PDE1A: variants seen among roughly 807,000 people sequenced by gnomAD.
PDE1A encodes phosphodiesterase 1A.
In PDE1A, 35 loss-of-function variants were observed where a neutral mutation model predicts 61.7. That is an observed-to-expected ratio of 0.57 (90% CI 0.43 to 0.75). PDE1A has a LOEUF of 0.75. PDE1A is among the 30% of genes least tolerant of loss of function. The pLI is 0.00. For synonymous variants in PDE1A, 232 were observed against 213.2 expected (o/e 1.09, Z -0.77); for missense variants, 597 against 630.6 (o/e 0.95, Z 0.57).
chr2:182,663,003 A>C, the PDE1A span, among the ~76,000 whole-genome samples: 1 of 152,198 alleles, frequency 6.6e-6, no homozygotes, highest in Non-Finnish European at 1.5e-5. Flanking sequence ...ACACCACCCC[A>C]TTAAAAAGTG....
intron 13 of PDE1A, among the ~76,000 whole-genome samples, chr2:182,178,472 T>G (rs1364161924): frequency 1.1e-4 from 16 of 152,140 alleles, no homozygotes. Flanking sequence ...TCAAGAGACT[T>G]AGACAGTTAT....
At chr2:182,184,156 G>C (rs1685018555) in intron 13 of PDE1A, among the ~76,000 whole-genome samples, 1 of 151,742 alleles carries the variant, frequency 6.6e-6, no homozygotes, top group South Asian at 2.1e-4. Flanking sequence ...CAGAGAGAAA[G>C]AGGCAGAAGA....
At chr2:182,657,805 C>T in the PDE1A span, among the ~76,000 whole-genome samples, 1 of 152,056 alleles carries the variant, frequency 6.6e-6, no homozygotes, top group Non-Finnish European at 1.5e-5. Context: ...CTAAAAACAT[C>T]TCTAAGTTTA....
chr2:182,644,714 T>C, the PDE1A span, among the ~76,000 whole-genome samples: 2 of 152,080 alleles, frequency 1.3e-5, no homozygotes, highest in Non-Finnish European at 2.9e-5. Context: ...ACTGTGGTGA[T>C]GAAAAACTGT....
intron 2 of PDE1A, among the ~76,000 whole-genome samples, chr2:182,520,266 T>C (rs1169574014): frequency 6.6e-6 from 1 of 151,914 alleles, no homozygotes; most frequent in Non-Finnish European, 1.5e-5. Flanking sequence ...CTTTGACAAT[T>C]CTAAGCCTTG....
At position 182,369,979 on chromosome 2, in the gene PDE1A, A is replaced by G. The variant is rs547313753; in HGVS notation, c.53+56599T>C. Among the ~76,000 whole-genome samples the G allele has an allele frequency of 9.2e-5, 14 of 152,174 alleles. No individual in the cohort carries two copies. The East Asian group carries it at 2.7e-3, about 30-fold the overall frequency. Reference sequence around the variant, plus strand: ...CACCTGAGGTCAGGAGATCAAGACCATCCTGGCCAACATGGTGAAACCCTG... The same window carrying G: ...CACCTGAGGTCAGGAGATCAAGACCGTCCTGGCCAACATGGTGAAACCCTG... On this transcript the variant is annotated intron_variant, in intron 1 of 13. Transcript: ENST00000351439.
chr2:182,571,153 C>T, the PDE1A span, among the ~76,000 whole-genome samples: 10 of 152,134 alleles, frequency 6.6e-5, no homozygotes, highest in African/African-American at 2.2e-4. Flanking sequence ...TCCTTGAATG[C>T]TTCCTGATTA....
chr2:182,527,624 AG>A (rs1690798035), upstream of PDE1A, among the ~76,000 whole-genome samples: 1 of 151,890 alleles, frequency 6.6e-6, no homozygotes, highest in Admixed American at 6.6e-5. Flanking sequence ...CACAGAAGTG[AG>A]ATTATGAAAA....
chr2:182,708,173 A>G, the PDE1A span, among the ~76,000 whole-genome samples: 4 of 152,054 alleles, frequency 2.6e-5, no homozygotes, highest in Non-Finnish European at 4.4e-5. Flanking sequence ...ACAGTTTAGG[A>G]CTAGGCTCCC....
At chr2:182,668,641 T>C in the PDE1A span, among the ~76,000 whole-genome samples, 1 of 152,062 alleles carries the variant, frequency 6.6e-6, no homozygotes, top group Non-Finnish European at 1.5e-5. Context: ...AGGTGAAATA[T>C]GGCTTTATTC....
intron 13 of PDE1A, among the ~76,000 whole-genome samples, chr2:182,179,645 C>G (rs2125365184): frequency 6.6e-6 from 1 of 152,158 alleles, no homozygotes; most frequent in East Asian, 1.9e-4. Flanking sequence ...CTCTCTCCTT[C>G]CTTCTTCCCT....
chr2:182,362,153 A>G (rs1177485202), intron 1 of PDE1A, among the ~76,000 whole-genome samples: 1 of 152,028 alleles, frequency 6.6e-6, no homozygotes, highest in Non-Finnish European at 1.5e-5. Context: ...TCTTCATAAT[A>G]ATATGAAAAG....
chr2:182,253,675 C>T (rs1373788935), intron 2 of PDE1A, among the ~76,000 whole-genome samples: 2 of 152,016 alleles, frequency 1.3e-5, no homozygotes, highest in African/African-American at 2.4e-5. Flanking sequence ...GAGCCTGGGG[C>T]TGATGTTGGT....
At chr2:182,567,421 C>A in the PDE1A span, among the ~76,000 whole-genome samples, 1 of 152,142 alleles carries the variant, frequency 6.6e-6, no homozygotes, top group Non-Finnish European at 1.5e-5. Context: ...GAATGATATA[C>A]CTGGCTTTAA....
chr2:182,260,625 A>G (rs1223323636), intron 2 of PDE1A, among the ~76,000 whole-genome samples: 2 of 152,198 alleles, frequency 1.3e-5, no homozygotes, highest in Non-Finnish European at 2.9e-5. Context: ...CAGACTCTCC[A>G]GAAAAAAATA....
intron 2 of PDE1A, among the ~76,000 whole-genome samples, chr2:182,243,433 A>G (rs535409209): frequency 6.6e-6 from 1 of 152,286 alleles, no homozygotes; most frequent in East Asian, 1.9e-4. Flanking sequence ...AAGAAGGGCA[A>G]GTACAAAGGC....
At chr2:182,522,408 C>A in intron 1 of PDE1A, 1 of 1,612,248 alleles carries the variant, frequency 6.2e-7, no homozygotes, top group South Asian at 1.1e-5. Flanking sequence ...CAGTTACAGT[C>A]AGTTTCAGCA....
intron 2 of PDE1A, among the ~76,000 whole-genome samples, chr2:182,502,243 G>C (rs1689123090): frequency 1.3e-5 from 2 of 152,138 alleles, no homozygotes; most frequent in Non-Finnish European, 2.9e-5. Context: ...AAGCCGCCCT[G>C]CTCCTAGACT....
At chr2:182,415,162 T>G (rs1240234327) in intron 1 of PDE1A, among the ~76,000 whole-genome samples, 6 of 152,146 alleles carry the variant, frequency 3.9e-5, no homozygotes, top group African/African-American at 1.2e-4. Flanking sequence ...TTTCTAAATA[T>G]TTTATTCCTA....
Sources: allele counts gnomAD v4.1 joint callset (sites outside exome capture counted in the v4.1 genomes callset), GRCh38; gene constraint gnomAD v4.1.1; transcripts MANE v1.5; gene names NCBI Gene and HGNC (gene_info 2026-07-23, HGNC 2026-07-21).